The following RETREG2 variants were observed in gnomAD, a reference collection of about 807,000 sequenced individuals.
The protein encoded by RETREG2 is reticulophagy regulator family member 2.
In RETREG2, 21 loss-of-function variants were observed where a neutral mutation model predicts 51.6. The observed-to-expected ratio is 0.41, with a 90% CI of 0.29 to 0.59. RETREG2 has a LOEUF of 0.59. Ranked by LOEUF, RETREG2 falls within the 20% of genes least tolerant of loss-of-function variation. RETREG2 has a pLI of 0.34. For missense variants in RETREG2, 674 were observed against 646.0 expected (o/e 1.04, Z -0.47); for synonymous variants, 339 against 288.6 (o/e 1.17, Z -1.77).
rs1349068414 is a variant in RETREG2 at position 219,182,024 on chromosome 2, C to T, written c.1027C>T (p.Gln343Ter). ...TGTTCTCTGCACAGATTTGGACCAG[C>T]AGAGCCTGCCAAGTGAACCAGAGGA... ...LTDVSEDLDQ[Q>*]SLPSEPEETL... is the part of the protein sequence containing the mutation. Residue 343 changes from glutamine to a stop codon, truncating the protein, a stop_gained, in exon 9 of 9, where the codon CAG becomes TAG. Transcript: ENST00000430297. LOFTEE classifies it high-confidence loss of function. 1 of 1,613,682 alleles carries T rather than the reference C, an allele frequency of 6.2e-7. No individual in the cohort carries two copies. The highest frequency in any genetic ancestry group is 1.7e-5 in the Admixed American group (1 of 59,986).
At chr2:219,179,418 T>C (rs1208226165) in intron 2 of RETREG2, among the ~76,000 whole-genome samples, 2 of 152,236 alleles carry the variant, frequency 1.3e-5, no homozygotes, top group African/African-American at 2.4e-5. Flanking sequence ...GCTATACTTA[T>C]GATAGTGTTT....
chr2:219,178,417 TG>T lies in RETREG2; in HGVS notation c.68del (p.Gly23AlafsTer6). On this transcript the variant is annotated frameshift_variant, in exon 1 of 9. Coordinates refer to ENST00000430297, the MANE Select transcript of RETREG2 (RefSeq NM_024293.6). LOFTEE classifies it high-confidence loss of function. Reference protein sequence around the residue: ...AGGGPGMGLSLGLGLGLSLGM... With the variant: ...AGGGPGMGLSXGLGLGLSLGM... The stretch of plus-strand genomic sequence containing the variant: ...GGGGGGCCGGGGATGGGCCTGAGCC[TG>T]GGCCTGGGTCTGGGTCTGAGCCTAG... 1.7e-6 allele frequency: 1 copy of T among 594,036 alleles called. No individual in the cohort carries two copies. The allele number at this position is 594,036 out of a possible 1,614,324, so 36.8% of individuals were successfully genotyped here. A position where few individuals can be genotyped will look rare whatever the true frequency, so the allele number is the denominator to read the frequency against.
Position 219,182,128 on chromosome 2 carries a change from TCTGTCAAGGCAAGCC to T in RETREG2, c.1135_1149del (p.Ser379_Leu383del), listed in dbSNP as rs748843046. 6.2e-6 allele frequency: 10 copies of T among 1,613,936 alleles called. No individual in the cohort carries two copies. The African/African-American group carries it at 1.2e-4, about 19-fold the overall frequency. On this transcript the variant is annotated inframe_deletion, in exon 9 of 9. Transcript: ENST00000430297. Reference sequence around the variant, plus strand: ...AAGACCTACTAGGCCGTCCTCAAGCTCTGTCAAGGCAAGCCCTGGACTCGGAGGAAGAGGAAGAGG... The same window carrying T: ...AAGACCTACTAGGCCGTCCTCAAGCTCTGGACTCGGAGGAAGAGGAAGAGG...
chr2:219,178,429 T>C lies in RETREG2; in HGVS notation c.77T>C (p.Leu26Pro). Reference protein sequence around the residue: ...PGMGLSLGLGLGLSLGMSEAT... With the variant: ...PGMGLSLGLGPGLSLGMSEAT... ...ATGGGCCTGAGCCTGGGCCTGGGTC[T>C]GGGTCTGAGCCTAGGCATGAGTGAG... is the stretch of plus-strand genomic sequence containing the variant. The change falls in exon 1 of 9, where the codon CTG becomes CCG. Residue 26 changes from leucine (L) to proline (P), a missense_variant. By Grantham distance (98) the Leu-to-Pro change is moderately conservative (BLOSUM62 -3). Transcript: ENST00000430297. 1 of 649,772 alleles carries C rather than the reference T, an allele frequency of 1.5e-6. No homozygotes were observed. The allele number at this position is 649,772 out of a possible 1,614,324, so 40.3% of individuals were successfully genotyped here.
chr2:219,180,129 G>T lies in RETREG2; in HGVS notation c.439G>T (p.Ala147Ser), dbSNP rs765364265. The T allele has an allele frequency of 1.9e-6, 3 of 1,614,030 alleles. No homozygotes were observed. The highest frequency in any genetic ancestry group is 1.7e-5 in the Admixed American group (1 of 60,022). The change falls in exon 4 of 9, where the codon GCC becomes TCC. Residue 147 changes from alanine to serine, a missense_variant. Physicochemically the swap from Ala to Ser is moderately conservative, Grantham distance 99. Transcript: ENST00000430297. ...HSDSEGAGSGARPHLLSVPEL... is the reference protein window; with the variant it reads ...HSDSEGAGSGSRPHLLSVPEL... ...CCCCAGTGAGGGTGCGGGGTCAGGCGCCCGGCCGCACCTGCTGAGTGTGCC... is the reference window on the plus strand; with the variant it reads ...CCCCAGTGAGGGTGCGGGGTCAGGCTCCCGGCCGCACCTGCTGAGTGTGCC...
rs780259657 is a variant in RETREG2, at chr2:219,182,131, G to T, written c.1134G>T (p.Leu378=). 6.2e-7 allele frequency: 1 copy of T among 1,614,148 alleles called. No homozygotes were observed. The highest frequency in any genetic ancestry group is 1.1e-5 in the South Asian group (1 of 91,084). The stretch of plus-strand genomic sequence containing the variant: ...ACCTACTAGGCCGTCCTCAAGCTCT[G>T]TCAAGGCAAGCCCTGGACTCGGAGG... ...PEDLLGRPQA[L]SRQALDSEEE... The change falls in exon 9 of 9, where the codon CTG becomes CTT. Residue 378 remains leucine, a synonymous_variant. Coordinates refer to ENST00000430297, the MANE Select transcript of RETREG2 (RefSeq NM_024293.6).
chr2:219,183,569 C>G lies in RETREG2; in HGVS notation c.*940C>G, dbSNP rs1950312723. 6.6e-6 allele frequency: 1 copy of G among 152,328 alleles called. No homozygotes were observed. Among genetic ancestry groups the G allele is most frequent in the Non-Finnish European group, 1.5e-5 (1 of 68,078 alleles). 9.4% of individuals were successfully genotyped at this position (152,328 alleles called of 1,614,324 possible). ...TTCTCTCCTCACCCTTAACCTGCTTCACTCCAGTCTGTTCTGGCTGTTTAT... is the reference window on the plus strand; with the variant it reads ...TTCTCTCCTCACCCTTAACCTGCTTGACTCCAGTCTGTTCTGGCTGTTTAT... On this transcript the variant is annotated 3_prime_UTR_variant, in exon 9 of 9. Coordinates refer to ENST00000430297, the MANE Select transcript of RETREG2 (RefSeq NM_024293.6).
Position 219,178,530 on chromosome 2 carries a change from C to A in RETREG2, c.178C>A (p.Leu60Ile). 7.0e-7 allele frequency: 1 copy of A among 1,429,422 alleles called. No homozygotes were observed. Among genetic ancestry groups the A allele is most frequent in the Non-Finnish European group, 9.1e-7 (1 of 1,097,996 alleles). The allele number at this position is 1,429,422 out of a possible 1,614,324, so 88.5% of individuals were successfully genotyped here. Residue 60 changes from leucine to isoleucine, a missense_variant, in exon 1 of 9, where the codon CTC (leucine) becomes ATC (isoleucine). Physicochemically the swap from Leu to Ile is conservative, Grantham distance 5 (BLOSUM62 2). Coordinates refer to ENST00000430297, the MANE Select transcript of RETREG2 (RefSeq NM_024293.6). ...CCTGGCCACGACGCTGTGGCTGCGGCTCCGCGGCTGGGAGGCGGTGCTGGC... is the reference window on the plus strand; with the variant it reads ...CCTGGCCACGACGCTGTGGCTGCGGATCCGCGGCTGGGAGGCGGTGCTGGC... ...GRLATTLWLR[L>I]RGWEAVLAAA...
rs974759312 is a variant in RETREG2, at chr2:219,184,078, C to G, written c.*1449C>G. The stretch of plus-strand genomic sequence containing the variant: ...TCATTTTATAGACAGGTTAAGCTTC[C>G]TGAAGGCCACAGGTCCCAGTAAATT... On this transcript the variant is annotated 3_prime_UTR_variant, in exon 9 of 9. Coordinates refer to ENST00000430297, the MANE Select transcript of RETREG2 (RefSeq NM_024293.6). The G allele has an allele frequency of 2.0e-5, 3 of 152,182 alleles. No individual in the cohort carries two copies. Among genetic ancestry groups the G allele is most frequent in the Non-Finnish European group, 4.4e-5 (3 of 68,034 alleles). The allele number at this position is 152,182 out of a possible 1,614,324, so 9.4% of individuals were successfully genotyped here.
In RETREG2 at chr2:219,182,163, A is replaced by C. The variant is rs1950289495; in HGVS notation, c.1166A>C (p.Glu389Ala). The change falls in exon 9 of 9, where the codon GAA (glutamate) becomes GCA (alanine). Residue 389 changes from glutamate (E) to alanine (A), a missense_variant. By Grantham distance (107) the Glu-to-Ala change is moderately radical (BLOSUM62 -1). Transcript: ENST00000430297. ...CAAGCCCTGGACTCGGAGGAAGAGG[A>C]AGAGGATGTGGCAGCTAAGGAAACC... ...SRQALDSEEE[E>A]EDVAAKETLL... 1 of 1,613,986 alleles carries C rather than the reference A, an allele frequency of 6.2e-7. No individual in the cohort carries two copies. Among genetic ancestry groups the C allele is most frequent in the African/African-American group, 1.3e-5 (1 of 74,890 alleles).
At chr2:219,181,965 A>T in intron 8 of RETREG2, 48 bp from the exon 9 acceptor site, 1 of 1,597,772 alleles carries the variant, frequency 6.3e-7, no homozygotes, top group East Asian at 2.2e-5. Flanking sequence ...TGTTGTGGCT[A>T]ATCAGACCAG....
At position 219,181,075 on chromosome 2, in the gene RETREG2, G is replaced by A; in HGVS notation, c.654G>A (p.Leu218=). ...MISYIVLLSI[L]LWPLVVYHEL... ...CTTAACCCATAGTGTTGAGTATCCTGCTGTGGCCCCTGGTGGTTTATCATG... is the reference window on the plus strand; with the variant it reads ...CTTAACCCATAGTGTTGAGTATCCTACTGTGGCCCCTGGTGGTTTATCATG... The change falls in exon 6 of 9, where the codon CTG becomes CTA. Residue 218 remains leucine (L), a synonymous_variant. Transcript: ENST00000430297. 1 of 1,614,154 alleles carries A rather than the reference G, an allele frequency of 6.2e-7. No individual in the cohort carries two copies. Among genetic ancestry groups the A allele is most frequent in the Non-Finnish European group, 8.5e-7 (1 of 1,180,030 alleles).
Position 219,178,327 on chromosome 2 carries a change from G to C in RETREG2, c.-26G>C. 2.5e-6 allele frequency: 1 copy of C among 399,650 alleles called. No homozygotes were observed. 24.8% of individuals were successfully genotyped at this position (399,650 alleles called of 1,614,324 possible). ...GCCGCGCAGCCCTGGCTCCTCGCGG[G>C]CTCGGGCGGCGGCTGCGGCGGGGCT... On this transcript the variant is annotated 5_prime_UTR_variant, in exon 1 of 9. Transcript: ENST00000430297.
rs764102413 is a variant in RETREG2 at position 219,181,771 on chromosome 2, C to T, written c.1011C>T (p.Ser337=). 8 of 1,613,462 alleles carry T rather than the reference C, an allele frequency of 5.0e-6. No individual in the cohort carries two copies. The highest frequency in any genetic ancestry group is 1.7e-4 in the Middle Eastern group (1 of 6,026). The part of the protein sequence containing the change: ...RATTPQLTDV[S]EDLDQQSLPS... ...CAACTCCGCAGCTGACTGATGTCTC[C>T]GAGGGTATGGGGAGCCCTTTGCTGC... Residue 337 remains serine, a synonymous_variant, in exon 8 of 9, where the codon TCC becomes TCT. Transcript: ENST00000430297.
Position 219,183,933 on chromosome 2 carries a change from A to G in RETREG2, c.*1304A>G, listed in dbSNP as rs1950316832. On this transcript the variant is annotated 3_prime_UTR_variant, in exon 9 of 9. Transcript: ENST00000430297. ...GTTAGAAATGAGTTGGAGCCAAGGA[A>G]CACTGAAGAAATAGTATCTTAACAG... The G allele has an allele frequency of 6.6e-6, 1 of 152,228 alleles. No homozygotes were observed. The highest frequency in any genetic ancestry group is 1.5e-5 in the Non-Finnish European group (1 of 68,040). 9.4% of individuals were successfully genotyped at this position (152,228 alleles called of 1,614,324 possible). A position where few individuals can be genotyped will look rare whatever the true frequency, so the allele number is the denominator to read the frequency against.
At position 219,178,392 on chromosome 2, in the gene RETREG2, G is replaced by A. The variant is rs1574779673; in HGVS notation, c.40G>A (p.Gly14Arg). Reference sequence around the variant, plus strand: ...TGGCGGGGGTAACACTGGCGCGGGTGGGGGGCCGGGGATGGGCCTGAGCCT... The same window carrying A: ...TGGCGGGGGTAACACTGGCGCGGGTAGGGGGCCGGGGATGGGCCTGAGCCT... The part of the protein sequence containing the change: ...GGGGGNTGAG[G>R]GPGMGLSLGL... The change falls in exon 1 of 9, where the codon GGG becomes AGG. Residue 14 changes from glycine to arginine, a missense_variant. By Grantham distance (125) the Gly-to-Arg change is moderately radical. Transcript: ENST00000430297. 2.0e-6 allele frequency: 1 copy of A among 496,652 alleles called. No individual in the cohort carries two copies. 30.8% of individuals were successfully genotyped at this position (496,652 alleles called of 1,614,324 possible).
Position 219,181,085 on chromosome 2 carries a change from C to T in RETREG2, c.664C>T (p.Leu222=). Residue 222 remains leucine (L), a synonymous_variant, in exon 6 of 9, where the codon CTG becomes TTG. Coordinates refer to ENST00000430297, the MANE Select transcript of RETREG2 (RefSeq NM_024293.6). Reference sequence around the variant, plus strand: ...AGTGTTGAGTATCCTGCTGTGGCCCCTGGTGGTTTATCATGAGCTGATCCA... The same window carrying T: ...AGTGTTGAGTATCCTGCTGTGGCCCTTGGTGGTTTATCATGAGCTGATCCA... The part of the protein sequence containing the change: ...IVLLSILLWP[L]VVYHELIQRM... 2 of 1,614,164 alleles carry T rather than the reference C, an allele frequency of 1.2e-6. No homozygotes were observed. The highest frequency in any genetic ancestry group is 1.1e-5 in the South Asian group (1 of 91,086).
intron 8 of RETREG2, 32 bp from the exon 9 acceptor site, chr2:219,181,981 G>A (rs766237470): frequency 2.9e-5 from 46 of 1,605,574 alleles, no homozygotes; most frequent in Non-Finnish European, 3.8e-5. Flanking sequence ...ACCAGCAGCA[G>A]GCCCATTCTT....
Position 219,181,733 on chromosome 2 carries a change from G to C in RETREG2, c.973G>C (p.Val325Leu). ...TATCTTGGAGAGTGGTGGCTTCTCC[G>C]TATCCCGGGCCACAACTCCGCAGCT... ...ASILESGGFS[V>L]SRATTPQLTD... The change falls in exon 8 of 9, where the codon GTA becomes CTA. Residue 325 changes from valine (V) to leucine (L), a missense_variant. Coordinates refer to ENST00000430297, the MANE Select transcript of RETREG2 (RefSeq NM_024293.6). 6.2e-7 allele frequency: 1 copy of C among 1,613,972 alleles called. No individual in the cohort carries two copies. The highest frequency in any genetic ancestry group is 1.1e-5 in the South Asian group (1 of 91,090).
Sources: gnomAD v4.1 joint callset for allele counts (sites outside exome capture counted in the v4.1 genomes callset) on GRCh38, gnomAD v4.1.1 for gene constraint, MANE v1.5 for transcripts, NCBI Gene and HGNC (gene_info 2026-07-23, HGNC 2026-07-21) for gene names.